Variants in MEGF8 observed in about 807,000 individuals in gnomAD.
MEGF8 encodes multiple epidermal growth factor-like domains protein 8.
In MEGF8, 156 loss-of-function variants were observed where a neutral mutation model predicts 302.9. The observed-to-expected ratio is 0.52, with a 90% confidence interval of 0.45 to 0.59. The LOEUF is 0.59. Ranked by LOEUF, MEGF8 falls within the 20% of genes least tolerant of loss-of-function variation. The probability of loss-of-function intolerance (pLI) is 0.00; values close to 1 mark genes in which losing one functional copy is unlikely to be tolerated. For missense variants in MEGF8, 3,345 were observed against 3,964.5 expected (o/e 0.84, Z 4.20); for synonymous variants, 1,621 against 1,660.5 (o/e 0.98, Z 0.58).
At position 42,369,515 on chromosome 19, in the gene MEGF8, C is replaced by T. The variant is rs1266701953; in HGVS notation, c.6642-16C>T. 1 of 1,597,932 alleles carries T rather than the reference C, an allele frequency of 6.3e-7. No individual in the cohort carries two copies. The highest frequency in any genetic ancestry group is 8.5e-7 in the Non-Finnish European group (1 of 1,174,354). On this transcript the variant is annotated splice_polypyrimidine_tract_variant and intron_variant, in intron 37 of 41. Transcript: ENST00000251268. This position sits in a 1 kb window ranked among gnomAD's most constrained non-coding sequence, Gnocchi z 5.7. ...GAGGGTGGCCACCTGCCCTGACCCC[C>T]ACTTTGCCCCTGCAGCATGACAGGG...
rs1398639226 is a variant in MEGF8 at position 42,358,436 on chromosome 19, G to A, written c.5175+129G>A. The A allele has an allele frequency of 5.0e-6, 6 of 1,200,376 alleles. No homozygotes were observed. Among genetic ancestry groups the A allele is most frequent in the East Asian group, 2.9e-5 (1 of 34,958 alleles). 74.4% of individuals were successfully genotyped at this position (1,200,376 alleles called of 1,614,324 possible). ...TCCTTTCTATGTTCCCTAACTAAGC[G>A]ACACCCCCACATCTCCCCCGCTTCC... On this transcript the variant is annotated intron_variant, in intron 29 of 41. Coordinates refer to ENST00000251268, the MANE Select transcript of MEGF8 (RefSeq NM_001271938.2). This position sits in a 1 kb window ranked among gnomAD's most constrained non-coding sequence, Gnocchi z 4.4.
At chr19:42,349,104 A>T (rs1031381851) in intron 13 of MEGF8, among the ~76,000 whole-genome samples, 1 of 152,122 alleles carries the variant, frequency 6.6e-6, no homozygotes, top group Admixed American at 6.5e-5. Flanking sequence ...GTTTGGGACT[A>T]GCCTGGGAAA....
chr19:42,363,559 T>C (rs1226716500), intron 35 of MEGF8, among the ~76,000 whole-genome samples: 3 of 152,234 alleles, frequency 2.0e-5, no homozygotes, highest in Non-Finnish European at 4.4e-5. Context: ...TTTCCATGAC[T>C]TTAAAAAAAT....
At chr19:42,355,651 T>A in intron 23 of MEGF8, 107 bp from the exon 24 acceptor site, 3 of 1,409,130 alleles carry the variant, frequency 2.1e-6, no homozygotes, top group Non-Finnish European at 2.8e-6. Context: ...ATGAATAATA[T>A]GGTGCCTTCC....
chr19:42,357,058 G>C lies in MEGF8; in HGVS notation c.4830+77G>C, dbSNP rs2039463351. ...GAGACAGCTGTGGTAGCTCCTGCCA[G>C]CTCCATCCCCAGAGGAAACAGAAGC... On this transcript the variant is annotated intron_variant, in intron 27 of 41. Transcript: ENST00000251268. The surrounding 1 kb of genome is among the most constrained non-coding windows in gnomAD (Gnocchi z 5.2). 3 of 1,387,066 alleles carry C rather than the reference G, an allele frequency of 2.2e-6. No homozygotes were observed. In the South Asian group the frequency reaches 4.1e-5, roughly 19 times the overall value. 85.9% of individuals were successfully genotyped at this position (1,387,066 alleles called of 1,614,324 possible).
chr19:42,335,942 C>A lies in MEGF8; in HGVS notation c.840C>A (p.His280Gln). 1 of 1,477,258 alleles carries A rather than the reference C, an allele frequency of 6.8e-7. No homozygotes were observed. The highest frequency in any genetic ancestry group is 9.0e-7 in the Non-Finnish European group (1 of 1,113,072). 91.5% of individuals were successfully genotyped at this position (1,477,258 alleles called of 1,614,324 possible). A position where few individuals can be genotyped will look rare whatever the true frequency, so the allele number is the denominator to read the frequency against. ...TCTCTTCCTCACAGGCTGCCCGTCA[C>A]TCCCATGTGGCCGTGGCCTGGGCCG... ...WDLSPAPAAR[H>Q]SHVAVAWAGS... The change falls in exon 6 of 42, where the codon CAC becomes CAA. Residue 280 changes from histidine to glutamine, a missense_variant. Coordinates refer to ENST00000251268, the MANE Select transcript of MEGF8 (RefSeq NM_001271938.2).
chr19:42,331,009 G>C (rs545130518), intron 1 of MEGF8, among the ~76,000 whole-genome samples: 1 of 152,296 alleles, frequency 6.6e-6, no homozygotes, highest in South Asian at 2.1e-4. Context: ...GGGCTTTGGG[G>C]CAGGGGAGGG....
intron 4 of MEGF8, 35 bp downstream of exon 4, chr19:42,335,250 G>GC: frequency 1.2e-6 from 2 of 1,613,988 alleles, no homozygotes; most frequent in Non-Finnish European, 1.7e-6. Flanking sequence ...GGATCTGGAG[G>GC]CCCGGCAGCC....
chr19:42,349,354 C>A, intron 13 of MEGF8, 145 bp from the exon 14 acceptor site: 1 of 652,652 alleles, frequency 1.5e-6, no homozygotes, highest in Non-Finnish European at 2.5e-6. Context: ...GGGGTCTCAC[C>A]TCTGAGGTTC....
chr19:42,358,082 G>T lies in MEGF8; in HGVS notation c.5012-62G>T. On this transcript the variant is annotated intron_variant, in intron 28 of 41. Transcript: ENST00000251268. The surrounding 1 kb of genome is among the most constrained non-coding windows in gnomAD (Gnocchi z 4.4). ...GTGGTCACCGAACAGGGGACCGGGAGGTCGGCGGGGTCAGTGCTGTTGTCA... is the reference window on the plus strand; with the variant it reads ...GTGGTCACCGAACAGGGGACCGGGATGTCGGCGGGGTCAGTGCTGTTGTCA... 3.5e-6 allele frequency: 5 copies of T among 1,417,616 alleles called. No homozygotes were observed. The highest frequency in any genetic ancestry group is 4.6e-6 in the Non-Finnish European group (5 of 1,082,340). The allele number at this position is 1,417,616 out of a possible 1,614,324, so 87.8% of individuals were successfully genotyped here. A position where few individuals can be genotyped will look rare whatever the true frequency, so the allele number is the denominator to read the frequency against.
chr19:42,365,795 A>AG (rs1341772981), intron 35 of MEGF8, among the ~76,000 whole-genome samples: 5 of 143,746 alleles, frequency 3.5e-5, no homozygotes, highest in African/African-American at 1.3e-4. Context: ...AAAAAAAAAA[A>AG]AAATTAGGCC....
At chr19:42,367,590 A>G (rs2039626857) in intron 35 of MEGF8, among the ~76,000 whole-genome samples, 1 of 151,938 alleles carries the variant, frequency 6.6e-6, no homozygotes, top group Non-Finnish European at 1.5e-5. Flanking sequence ...GTGGTTTGCA[A>G]CCCCACTCCT....
rs762145561 is a variant in MEGF8, at chr19:42,376,607, G to T, written c.8370G>T (p.Gly2790=). The T allele has an allele frequency of 5.2e-6, 8 of 1,548,214 alleles. No individual in the cohort carries two copies. Among genetic ancestry groups the T allele is most frequent in the Admixed American group, 1.9e-5 (1 of 51,428 alleles). The change falls in exon 42 of 42, where the codon GGG becomes GGT. Residue 2790 remains glycine, a synonymous_variant. Transcript: ENST00000251268. This position sits in a 1 kb window ranked among gnomAD's most constrained non-coding sequence, Gnocchi z 8.2. ...VATLLLQLPG[G]PHAPNGACLG... Reference sequence around the variant, plus strand: ...CACTGCTGCTCCAGCTGCCTGGCGGGCCCCATGCACCCAACGGCGCCTGCC... The same window carrying T: ...CACTGCTGCTCCAGCTGCCTGGCGGTCCCCATGCACCCAACGGCGCCTGCC...
At chr19:42,359,300 C>G in intron 31 of MEGF8, 58 bp downstream of exon 31, 1 of 1,457,358 alleles carries the variant, frequency 6.9e-7, no homozygotes, top group Non-Finnish European at 9.1e-7. Flanking sequence ...AGCCCCATCC[C>G]CATCCTGGGA....
Position 42,353,185 on chromosome 19 carries a change from G to C in MEGF8, c.3550+58G>C. On this transcript the variant is annotated intron_variant, in intron 20 of 41. Transcript: ENST00000251268. The surrounding 1 kb of genome is among the most constrained non-coding windows in gnomAD (Gnocchi z 6.1). ...CCCAGGGAGCCTCCTCCCTTCTTGG[G>C]GCTCCAGTTTGCTCTTCTTGGAGGG... 1 of 1,460,744 alleles carries C rather than the reference G, an allele frequency of 6.8e-7. No homozygotes were observed. The highest frequency in any genetic ancestry group is 9.1e-7 in the Non-Finnish European group (1 of 1,096,832). 90.5% of individuals were successfully genotyped at this position (1,460,744 alleles called of 1,614,324 possible).
At position 42,356,269 on chromosome 19, in the gene MEGF8, C is replaced by A; in HGVS notation, c.4504-66C>A. 3 of 1,548,712 alleles carry A rather than the reference C, an allele frequency of 1.9e-6. No homozygotes were observed. The highest frequency in any genetic ancestry group is 2.6e-6 in the Non-Finnish European group (3 of 1,145,630). On this transcript the variant is annotated intron_variant, in intron 25 of 41. Transcript: ENST00000251268. The surrounding 1 kb of genome is among the most constrained non-coding windows in gnomAD (Gnocchi z 5.2). ...CCCACCTCCATTCCTGGGACCACCC[C>A]TACACCCAGGCCTGGCACTTTGTCC...
chr19:42,343,563 G>A lies in MEGF8; in HGVS notation c.1600G>A (p.Gly534Ser), dbSNP rs750508368. The A allele has an allele frequency of 1.7e-5, 27 of 1,613,376 alleles. No individual in the cohort carries two copies. The highest frequency in any genetic ancestry group is 1.9e-5 in the Non-Finnish European group (23 of 1,179,712). The change falls in exon 9 of 42, where the codon GGC (glycine) becomes AGC (serine). Residue 534 changes from glycine (G) to serine (S), a missense_variant. Gly to Ser is a moderately conservative substitution (Grantham distance 56). Transcript: ENST00000251268. The part of the protein sequence containing the change: ...SVLLVAGGYS[G>S]RPRGDLMAYK... ...CCTGTTGGTGGCTGGGGGGTACAGC[G>A]GCCGGCCCCGTGGGGACTTGATGGC...
Position 42,357,568 on chromosome 19 carries a change from T to C in MEGF8, c.4995T>C (p.Ser1665=), listed in dbSNP as rs764964359. The C allele has an allele frequency of 1.2e-6, 2 of 1,608,034 alleles. No individual in the cohort carries two copies. Among genetic ancestry groups the C allele is most frequent in the South Asian group, 2.2e-5 (2 of 90,404 alleles). ...ATGTWVSGAQ[S]GTPPTGLYGH... The stretch of plus-strand genomic sequence containing the variant: ...GCACCTGGGTGTCAGGAGCCCAGAG[T>C]GGGACACCCCCCACAGGTGGGGCTG... Residue 1665 remains serine, a synonymous_variant, in exon 28 of 42, where the codon AGT becomes AGC. Transcript: ENST00000251268. This position sits in a 1 kb window ranked among gnomAD's most constrained non-coding sequence, Gnocchi z 5.2.
rs763191225 is a variant in MEGF8 at position 42,343,669 on chromosome 19, G to A, written c.1668+38G>A. On this transcript the variant is annotated intron_variant, in intron 9 of 41. Transcript: ENST00000251268. ...GTGACAGGGAAAGGGTGGCTGGGGGGAGGAGGTAGCAGGGTTTCCACAGGT... is the reference window on the plus strand; with the variant it reads ...GTGACAGGGAAAGGGTGGCTGGGGGAAGGAGGTAGCAGGGTTTCCACAGGT... 2.7e-5 allele frequency: 42 copies of A among 1,562,790 alleles called. 1 individual carries two copies. In the South Asian group the frequency reaches 4.7e-4, roughly 18 times the overall value.
Sources: allele counts gnomAD v4.1 joint callset (sites outside exome capture counted in the v4.1 genomes callset), GRCh38; gene constraint gnomAD v4.1.1; non-coding constraint Gnocchi (gnomAD v3.1); transcripts MANE v1.5; gene names NCBI Gene and HGNC (gene_info 2026-07-23, HGNC 2026-07-21).